Variants in UBE2G1 observed in about 807,000 individuals in gnomAD.
The protein encoded by UBE2G1 is ubiquitin-conjugating enzyme E2 G1.
A neutral mutation model predicts 22.7 loss-of-function variants in UBE2G1; 5 were observed. The observed-to-expected ratio is 0.22, with a 90% CI of 0.12 to 0.46. The LOEUF (loss-of-function observed/expected upper bound fraction) is 0.46, where lower values mean the gene tolerates loss of function less well. Among genes scored for constraint, UBE2G1 ranks in the 20% least tolerant of loss-of-function variants. The probability of loss-of-function intolerance (pLI) is 0.99; values close to 1 mark genes in which losing one functional copy is unlikely to be tolerated. For synonymous variants in UBE2G1, 74 were observed against 67.5 expected (o/e 1.10, Z -0.47); for missense variants, 88 against 203.9 (o/e 0.43, Z 3.46).
intron 2 of UBE2G1, among the ~76,000 whole-genome samples, chr17:4,299,895 C>T (rs1424072225): frequency 6.7e-6 from 1 of 148,416 alleles, no homozygotes; most frequent in Non-Finnish European, 1.5e-5. Context: ...GGCGTGATCT[C>T]GGCTCACTGC....
chr17:4,347,761 C>G (rs555596656), intron 1 of UBE2G1, among the ~76,000 whole-genome samples: 24 of 152,232 alleles, frequency 1.6e-4, no homozygotes, highest in African/African-American at 5.1e-4. Context: ...AAGGCGTGAG[C>G]CACCGCGCCT....
At chr17:4,324,736 G>A (rs1455826196) in intron 1 of UBE2G1, among the ~76,000 whole-genome samples, 1 of 152,028 alleles carries the variant, frequency 6.6e-6, no homozygotes, top group Non-Finnish European at 1.5e-5. Flanking sequence ...GATTTCTTGA[G>A]AAAATAATTA....
At chr17:4,353,832 T>C (rs1323537410) in intron 1 of UBE2G1, among the ~76,000 whole-genome samples, 1 of 148,046 alleles carries the variant, frequency 6.8e-6, no homozygotes, top group East Asian at 2.0e-4. Flanking sequence ...TTTTTTTTTT[T>C]TTTGAGACAG....
intron 1 of UBE2G1, among the ~76,000 whole-genome samples, chr17:4,333,905 A>G (rs1969613846): frequency 6.6e-6 from 1 of 152,172 alleles, no homozygotes; most frequent in Non-Finnish European, 1.5e-5. Flanking sequence ...ACACGTTCAC[A>G]GTTTTCACTA....
chr17:4,304,842 T>A (rs1351552318), intron 2 of UBE2G1, among the ~76,000 whole-genome samples: 1 of 152,154 alleles, frequency 6.6e-6, no homozygotes, highest in African/African-American at 2.4e-5. Context: ...GGTGTATATA[T>A]TCACTTCCAA....
At position 4,269,746 on chromosome 17, in the gene UBE2G1, C is replaced by G. The variant is rs138528517; in HGVS notation, c.*2808G>C. The G allele has an allele frequency of 5.4e-6, 1 of 186,218 alleles. No homozygotes were observed. The allele number at this position is 186,218 out of a possible 1,614,324, so 11.5% of individuals were successfully genotyped here. ...ACAGACTGAAATCTATATGCCTCTACGAGAACTTGGAATAAATTTAGGAAA... is the reference window on the plus strand; with the variant it reads ...ACAGACTGAAATCTATATGCCTCTAGGAGAACTTGGAATAAATTTAGGAAA... On this transcript the variant is annotated 3_prime_UTR_variant, in exon 6 of 6. Transcript: ENST00000396981.
At chr17:4,285,485 A>T (rs1415549310) in intron 4 of UBE2G1, among the ~76,000 whole-genome samples, 2 of 152,214 alleles carry the variant, frequency 1.3e-5, no homozygotes, top group East Asian at 3.8e-4. Flanking sequence ...TAAATAGACT[A>T]AGGATTTAAT....
intron 2 of UBE2G1, among the ~76,000 whole-genome samples, chr17:4,304,237 G>A (rs1490421289): frequency 2.6e-5 from 4 of 152,028 alleles, no homozygotes; most frequent in Non-Finnish European, 4.4e-5. Context: ...GAGCTCAAGC[G>A]ATCCACCCTT....
chr17:4,280,782 C>A (rs376435736), intron 5 of UBE2G1, among the ~76,000 whole-genome samples: 1 of 151,936 alleles, frequency 6.6e-6, no homozygotes, highest in African/African-American at 2.4e-5. Context: ...AACAGGCGCA[C>A]GCCACTGTGC....
intron 1 of UBE2G1, among the ~76,000 whole-genome samples, chr17:4,327,213 C>T (rs901956948): frequency 1.3e-5 from 2 of 152,146 alleles, no homozygotes; most frequent in Admixed American, 1.3e-4. Context: ...GGAAGAATCG[C>T]TTCAACCTGG....
chr17:4,312,695 CAAAAAAAA>C (rs58462791), intron 1 of UBE2G1, among the ~76,000 whole-genome samples: 1 of 76,884 alleles, frequency 1.3e-5, no homozygotes, highest in African/African-American at 5.0e-5. Flanking sequence ...GACTCCATCT[CAAAAAAAA>C]AAAAAAAAAA....
At chr17:4,305,229 C>T (rs548862396) in intron 2 of UBE2G1, among the ~76,000 whole-genome samples, 1 of 152,198 alleles carries the variant, frequency 6.6e-6, no homozygotes, top group African/African-American at 2.4e-5. Context: ...CCACTACGCC[C>T]GGCCGACAAC....
At chr17:4,341,202 TAAC>T (rs939008608) in intron 1 of UBE2G1, among the ~76,000 whole-genome samples, 17 of 152,296 alleles carry the variant, frequency 1.1e-4, no homozygotes, top group Admixed American at 1.0e-3. Flanking sequence ...ATTACAAACT[TAAC>T]AATTTCAGTC....
intron 1 of UBE2G1, among the ~76,000 whole-genome samples, chr17:4,326,233 C>T (rs890503467): frequency 3.3e-5 from 5 of 152,126 alleles, no homozygotes; most frequent in Non-Finnish European, 5.9e-5. Flanking sequence ...AGAACTCATA[C>T]AACTCAATAA....
At chr17:4,365,123 A>C (rs1597271249) in intron 1 of UBE2G1, among the ~76,000 whole-genome samples, 1 of 152,224 alleles carries the variant, frequency 6.6e-6, no homozygotes, top group South Asian at 2.1e-4. Context: ...TGTATTTCAA[A>C]AACAGATTTC....
chr17:4,363,984 G>A (rs1597270642), intron 1 of UBE2G1, among the ~76,000 whole-genome samples: 2 of 138,386 alleles, frequency 1.4e-5, no homozygotes, highest in East Asian at 4.5e-4. Flanking sequence ...AAAAGATGCA[G>A]ACGGGCACGG....
intron 1 of UBE2G1, among the ~76,000 whole-genome samples, chr17:4,308,253 T>C (rs1035970652): frequency 2.0e-5 from 3 of 152,172 alleles, no homozygotes; most frequent in African/African-American, 7.2e-5. Context: ...CTCGGGAGGC[T>C]GAGGCAGAAA....
chr17:4,270,860 A>T lies in UBE2G1; in HGVS notation c.*1694T>A, dbSNP rs1968749395. 6.6e-6 allele frequency: 1 copy of T among 152,204 alleles called. No individual in the cohort carries two copies. Among genetic ancestry groups the T allele is most frequent in the African/African-American group, 2.4e-5 (1 of 41,438 alleles). 9.4% of individuals were successfully genotyped at this position (152,204 alleles called of 1,614,324 possible). A position where few individuals can be genotyped will look rare whatever the true frequency, so the allele number is the denominator to read the frequency against. The stretch of plus-strand genomic sequence containing the variant: ...TCCTCAACCATTTTATTTCTGCTTA[A>T]AAAAGGACATACAACGTTTGTAGAG... On this transcript the variant is annotated 3_prime_UTR_variant, in exon 6 of 6. Coordinates refer to ENST00000396981, the MANE Select transcript of UBE2G1 (RefSeq NM_003342.5).
intron 5 of UBE2G1, among the ~76,000 whole-genome samples, chr17:4,276,961 A>G (rs1166590640): frequency 6.6e-6 from 1 of 152,206 alleles, no homozygotes. Flanking sequence ...CTAATCCACT[A>G]GTCACTGAAT....
Sources: allele counts gnomAD v4.1 joint callset (sites outside exome capture counted in the v4.1 genomes callset), GRCh38; gene constraint gnomAD v4.1.1; transcripts MANE v1.5; gene names NCBI Gene and HGNC (gene_info 2026-07-23, HGNC 2026-07-21).